Variants in SLC5A5 observed in about 807,000 individuals in gnomAD.
SLC5A5 encodes the protein sodium/iodide cotransporter.
Under a neutral mutation model 68.6 loss-of-function variants are expected in SLC5A5, and 56 were observed. That is an observed-to-expected ratio of 0.82 (90% confidence interval 0.66 to 1.02). The LOEUF (loss-of-function observed/expected upper bound fraction) is 1.02, where lower values mean the gene tolerates loss of function less well. Ranked by LOEUF, SLC5A5 falls within the 50% of genes least tolerant of loss-of-function variation. The probability of loss-of-function intolerance (pLI) is 0.00; values close to 1 mark genes in which losing one functional copy is unlikely to be tolerated. For synonymous variants in SLC5A5, 398 were observed against 373.0 expected, an observed-to-expected ratio of 1.07 and a Z score of -0.77; for missense variants, 807 against 859.8, an observed-to-expected ratio of 0.94 and a Z score of 0.77.
Position 17,882,179 on chromosome 19 carries a change from T to C in SLC5A5, c.1202T>C (p.Val401Ala). ...SLIYGSACLT[V>A]AALSSLLGGG... ...ATCTACGGATCGGCCTGTCTCACCG[T>C]GGCAGCCCTGTCCTCACTGCTCGGA... The change falls in exon 10 of 15, where the codon GTG becomes GCG. Residue 401 changes from valine (V) to alanine (A), a missense_variant. Transcript: ENST00000222248. 6.2e-7 allele frequency: 1 copy of C among 1,614,118 alleles called. No homozygotes were observed. Among genetic ancestry groups the C allele is most frequent in the Non-Finnish European group, 8.5e-7 (1 of 1,180,018 alleles).
Position 17,872,231 on chromosome 19 carries a change from C to T in SLC5A5, c.-89C>T. 1 of 595,344 alleles carries T rather than the reference C, an allele frequency of 1.7e-6. No individual in the cohort carries two copies. Among genetic ancestry groups the T allele is most frequent in the African/African-American group, 1.9e-5 (1 of 53,082 alleles). 36.9% of individuals were successfully genotyped at this position (595,344 alleles called of 1,614,324 possible). On this transcript the variant is annotated 5_prime_UTR_variant, in exon 1 of 15. Coordinates refer to ENST00000222248, the MANE Select transcript of SLC5A5 (RefSeq NM_000453.3). ...TGCCGAGCATCCTCCCACCCGCCCT[C>T]CCCGTCCTGCCTCCTCGGCCCCTGC... is the stretch of plus-strand genomic sequence containing the variant.
rs1189177572 is a variant in SLC5A5 at position 17,872,339 on chromosome 19, G to A, written c.20G>A (p.Gly7Glu). The stretch of plus-strand genomic sequence containing the variant: ...GCCCTCATGGAGGCCGTGGAGACCG[G>A]GGAACGGCCCACCTTCGGAGCCTGG... MEAVETGERPTFGAWDY... is the reference protein window; with the variant it reads MEAVETEERPTFGAWDY... Residue 7 changes from glycine (G) to glutamate (E), a missense_variant, in exon 1 of 15, where the codon GGG becomes GAG. Coordinates refer to ENST00000222248, the MANE Select transcript of SLC5A5 (RefSeq NM_000453.3). 2 of 1,582,986 alleles carry A rather than the reference G, an allele frequency of 1.3e-6. No individual in the cohort carries two copies. Among genetic ancestry groups the A allele is most frequent in the African/African-American group, 2.7e-5 (2 of 74,468 alleles).
rs184783895 is a variant in SLC5A5, at chr19:17,888,784, C to T, written c.1651+329C>T. On this transcript the variant is annotated intron_variant, in intron 13 of 14. Transcript: ENST00000222248. The stretch of plus-strand genomic sequence containing the variant: ...AGTAGCTGGGATTACAAGTGTGTGC[C>T]GCCATGCTTGGCTAATTTTGCATTT... Among the ~76,000 whole-genome samples the T allele has an allele frequency of 9.2e-5, 14 of 151,508 alleles. No homozygotes were observed. In the East Asian group the frequency reaches 1.2e-3, roughly 13 times the overall value.
rs372410748 is a variant in SLC5A5, at chr19:17,877,911, C to G, written c.839+48C>G. 2.7e-5 allele frequency: 43 copies of G among 1,613,828 alleles called. No individual in the cohort carries two copies. The South Asian group carries it at 3.1e-4, about 12-fold the overall frequency. ...TCGGGGTTTCTGGGACATGCTGCCC[C>G]CCTCCACCAGCCTGAGGCTATCCCC... On this transcript the variant is annotated intron_variant, in intron 6 of 14. Transcript: ENST00000222248.
At chr19:17,875,742 C>A (rs1365576571) in intron 4 of SLC5A5, among the ~76,000 whole-genome samples, 1 of 152,190 alleles carries the variant, frequency 6.6e-6, no homozygotes, top group Non-Finnish European at 1.5e-5. Flanking sequence ...CACACCACTG[C>A]ACTCCAGCCT....
rs143530460 is a variant in SLC5A5, at chr19:17,877,841, C to T, written c.817C>T (p.Arg273Cys). The stretch of plus-strand genomic sequence containing the variant: ...GCAGGTGCAGCGCTACGTGGCTTGC[C>T]GCACAGAGAAGCAGGCCAAGCTGTG... ...QAQVQRYVAC[R>C]TEKQAKLALL... The change falls in exon 6 of 15, where the codon CGC (arginine) becomes TGC (cysteine). Residue 273 changes from arginine to cysteine, a missense_variant. Transcript: ENST00000222248. 3.1e-5 allele frequency: 50 copies of T among 1,614,222 alleles called. No homozygotes were observed. In the African/African-American group the frequency reaches 4.0e-4, roughly 13 times the overall value.
chr19:17,890,322 G>C (rs2030115265), intron 13 of SLC5A5, among the ~76,000 whole-genome samples: 1 of 152,138 alleles, frequency 6.6e-6, no homozygotes, highest in Non-Finnish European at 1.5e-5. Context: ...CCCCTGCCTT[G>C]GTCTTCCAAA....
chr19:17,890,280 A>G (rs895676758), intron 13 of SLC5A5, among the ~76,000 whole-genome samples: 3 of 152,142 alleles, frequency 2.0e-5, no homozygotes, highest in Non-Finnish European at 4.4e-5. Flanking sequence ...CATGTTGGCC[A>G]GACTAGTCTC....
intron 7 of SLC5A5, among the ~76,000 whole-genome samples, chr19:17,878,847 T>C (rs535935500): frequency 6.6e-6 from 1 of 150,820 alleles, no homozygotes; most frequent in South Asian, 2.1e-4. Context: ...TGGTGATGCA[T>C]GCCTGTAATC....
rs886054285 is a variant in SLC5A5 at position 17,894,110 on chromosome 19, T to TC, written c.*239dup. On this transcript the variant is annotated 3_prime_UTR_variant, in exon 15 of 15. Transcript: ENST00000222248. ...TATTAGACGCTGCAGCCCTGACGGCTCCCCCCAAATAAGGCTGGGTTTTTC... is the reference window on the plus strand; with the variant it reads ...TATTAGACGCTGCAGCCCTGACGGCTCCCCCCCAAATAAGGCTGGGTTTTTC... The TC allele has an allele frequency of 6.5e-6, 3 of 464,844 alleles. No individual in the cohort carries two copies. Among genetic ancestry groups the TC allele is most frequent in the Non-Finnish European group, 7.6e-6 (2 of 261,450 alleles). 28.8% of individuals were successfully genotyped at this position (464,844 alleles called of 1,614,324 possible).
At position 17,872,221 on chromosome 19, in the gene SLC5A5, C is replaced by T; in HGVS notation, c.-99C>T. The T allele has an allele frequency of 2.2e-6, 1 of 452,240 alleles. No homozygotes were observed. Among genetic ancestry groups the T allele is most frequent in the Non-Finnish European group, 4.3e-6 (1 of 234,714 alleles). The allele number at this position is 452,240 out of a possible 1,614,324, so 28.0% of individuals were successfully genotyped here. On this transcript the variant is annotated 5_prime_UTR_variant, in exon 1 of 15. Coordinates refer to ENST00000222248, the MANE Select transcript of SLC5A5 (RefSeq NM_000453.3). ...GGGGACAGGCTGCCGAGCATCCTCC[C>T]ACCCGCCCTCCCCGTCCTGCCTCCT...
intron 7 of SLC5A5, among the ~76,000 whole-genome samples, chr19:17,879,865 T>G (rs1012346577): frequency 1.3e-5 from 2 of 152,002 alleles, no homozygotes; most frequent in Non-Finnish European, 2.9e-5. Flanking sequence ...AAATGCACAT[T>G]ATAGCCTGAG....
In SLC5A5 at chr19:17,894,143, C is replaced by CT. The variant is rs772763011; in HGVS notation, c.*288dup. ...AATAAGGCTGGGTTTTTCTCTCTCTCTTTTTTTTTTTTTTTTTTTTTTGAG... is the reference window on the plus strand; with the variant it reads ...AATAAGGCTGGGTTTTTCTCTCTCTCTTTTTTTTTTTTTTTTTTTTTTTGAG... On this transcript the variant is annotated 3_prime_UTR_variant, in exon 15 of 15. Transcript: ENST00000222248. 9,051 of 262,026 alleles carry CT rather than the reference C, an allele frequency of 0.035. 187 individuals are homozygous for CT. The highest frequency in any genetic ancestry group is 0.08 in the African/African-American group (2,641 of 33,010). The allele number at this position is 262,026 out of a possible 1,614,324, so 16.2% of individuals were successfully genotyped here. A position where few individuals can be genotyped will look rare whatever the true frequency, so the allele number is the denominator to read the frequency against.
chr19:17,883,623 G>A lies in SLC5A5; in HGVS notation c.1243-58G>A, dbSNP rs1250687824. The A allele has an allele frequency of 5.0e-6, 7 of 1,398,406 alleles. No individual in the cohort carries two copies. In the Admixed American group the frequency reaches 1.2e-4, roughly 23 times the overall value. 86.6% of individuals were successfully genotyped at this position (1,398,406 alleles called of 1,614,324 possible). A position where few individuals can be genotyped will look rare whatever the true frequency, so the allele number is the denominator to read the frequency against. On this transcript the variant is annotated intron_variant, in intron 10 of 14. Coordinates refer to ENST00000222248, the MANE Select transcript of SLC5A5 (RefSeq NM_000453.3). ...GTCTCGCTTTCCCAGCGGGTAAACT[G>A]AGGCCCAGAGCGGTGGGAGGGCTCC...
rs2094322151 is a variant in SLC5A5, at chr19:17,882,170, G to A, written c.1193G>A (p.Cys398Tyr). Residue 398 changes from cysteine (C) to tyrosine (Y), a missense_variant, in exon 10 of 15, where the codon TGT becomes TAT. By Grantham distance (194) the Cys-to-Tyr change is radical. Coordinates refer to ENST00000222248, the MANE Select transcript of SLC5A5 (RefSeq NM_000453.3). ...KGLSLIYGSA[C>Y]LTVAALSSLL... The stretch of plus-strand genomic sequence containing the variant: ...ACAGCACTCATCTACGGATCGGCCT[G>A]TCTCACCGTGGCAGCCCTGTCCTCA... The A allele has an allele frequency of 6.2e-7, 1 of 1,614,104 alleles. No individual in the cohort carries two copies. Among genetic ancestry groups the A allele is most frequent in the Non-Finnish European group, 8.5e-7 (1 of 1,180,028 alleles).
intron 14 of SLC5A5, among the ~76,000 whole-genome samples, chr19:17,892,776 G>A (rs1645756724): frequency 6.6e-6 from 1 of 151,920 alleles, no homozygotes; most frequent in Non-Finnish European, 1.5e-5. Flanking sequence ...CTGTGATGGG[G>A]AGCAACTTTA....
intron 2 of SLC5A5, 117 bp downstream of exon 2, chr19:17,874,320 C>A: frequency 3.8e-6 from 2 of 526,946 alleles, no homozygotes; most frequent in African/African-American, 2.3e-5. Flanking sequence ...CCCGTTCTGA[C>A]CCCGCCCCCA....
At chr19:17,883,329 A>C (rs1234668077) in intron 10 of SLC5A5, among the ~76,000 whole-genome samples, 1 of 151,264 alleles carries the variant, frequency 6.6e-6, no homozygotes. Context: ...AGGTGGCGAC[A>C]GAAAGGGCCT....
At chr19:17,882,127 G>A (rs370330732) in intron 9 of SLC5A5, 22 bp from the exon 10 acceptor site, 57 of 1,613,404 alleles carry the variant, frequency 3.5e-5, no homozygotes, top group Non-Finnish European at 4.2e-5. Flanking sequence ...CCCGTTGACC[G>A]TGCCATCCTC....
Sources: allele counts gnomAD v4.1 joint callset (sites outside exome capture counted in the v4.1 genomes callset), GRCh38; gene constraint gnomAD v4.1.1; transcripts MANE v1.5; gene names NCBI Gene and HGNC (gene_info 2026-07-23, HGNC 2026-07-21).